The following FARP2 variants were observed in gnomAD, a reference collection of about 807,000 sequenced individuals.
FARP2 encodes the protein FERM, ARH/RhoGEF and pleckstrin domain protein 2, also known as FERM, ARHGEF and pleckstrin domain-containing protein 2.
A neutral mutation model predicts 130.5 loss-of-function variants in FARP2; 111 were observed. The observed-to-expected ratio is 0.85, with a 90% confidence interval of 0.73 to 1.00. The LOEUF (loss-of-function observed/expected upper bound fraction) is 1.00, where lower values mean the gene tolerates loss of function less well. Ranked by LOEUF, FARP2 falls within the 50% of genes least tolerant of loss-of-function variation. The pLI is 0.00. For synonymous variants in FARP2, 504 were observed against 516.9 expected (o/e 0.98, Z 0.34); for missense variants, 1,385 against 1,346.3 (o/e 1.03, Z -0.45).
rs2150456269 is a variant in FARP2, at chr2:241,456,866, C to T, written c.1531C>T (p.Pro511Ser). 6.2e-7 allele frequency: 1 copy of T among 1,613,446 alleles called. No individual in the cohort carries two copies. The highest frequency in any genetic ancestry group is 1.7e-5 in the Admixed American group (1 of 59,894). The change falls in exon 14 of 27, where the codon CCT becomes TCT. Residue 511 changes from proline (P) to serine (S), a missense_variant. Coordinates refer to ENST00000264042, the MANE Select transcript of FARP2 (RefSeq NM_014808.4). Reference sequence around the variant, plus strand: ...ACAGGGCTCATCCCCACTCCTGAGCCCTGTCCTCAGTGATGCTGGCGGAGC... The same window carrying T: ...ACAGGGCTCATCCCCACTCCTGAGCTCTGTCCTCAGTGATGCTGGCGGAGC... The part of the protein sequence containing the change: ...AEQGSSPLLS[P>S]VLSDAGGAGM...
intron 18 of FARP2, among the ~76,000 whole-genome samples, chr2:241,471,156 C>T (rs1036138527): frequency 4.3e-5 from 6 of 140,262 alleles, no homozygotes; most frequent in African/African-American, 8.1e-5. Flanking sequence ...TCTGTTCTGA[C>T]GGGGGTCCTG....
chr2:241,493,624 TC>T (rs2065015354), intron 26 of FARP2, 180 bp downstream of exon 26: 1 of 599,822 alleles, frequency 1.7e-6, no homozygotes, highest in Admixed American at 2.9e-5. Context: ...AGATGGCGTC[TC>T]CCTCTGTCAC....
At chr2:241,405,070 TTGATATC>T (rs2150351481) in intron 4 of FARP2, among the ~76,000 whole-genome samples, 1 of 152,380 alleles carries the variant, frequency 6.6e-6, no homozygotes, top group African/African-American at 2.4e-5. Context: ...CATATGCTGT[TTGATATC>T]GTCTTAATTT....
At chr2:241,472,195 G>A (rs1158760644) in intron 18 of FARP2, among the ~76,000 whole-genome samples, 2 of 150,462 alleles carry the variant, frequency 1.3e-5, no homozygotes, top group Non-Finnish European at 3.0e-5. Flanking sequence ...GGGGGATGCT[G>A]TTCCATGGGA....
At chr2:241,377,933 T>C (rs2150308757) in intron 2 of FARP2, among the ~76,000 whole-genome samples, 1 of 152,282 alleles carries the variant, frequency 6.6e-6, no homozygotes, top group East Asian at 1.9e-4. Flanking sequence ...ACTGCCAGAC[T>C]GTTTTCCAAA....
At position 241,490,035 on chromosome 2, in the gene FARP2, T is replaced by C. The variant is rs1461894855; in HGVS notation, c.2495T>C (p.Val832Ala). Residue 832 changes from valine (V) to alanine (A), a missense_variant, in exon 22 of 27, where the codon GTG (valine) becomes GCG (alanine). Physicochemically the swap from Val to Ala is moderately conservative, Grantham distance 64. Coordinates refer to ENST00000264042, the MANE Select transcript of FARP2 (RefSeq NM_014808.4). ...TACGCGGCTCAGAAAACAATCGTGG[T>C]GGCAGCCAGGTAAGGGTCTTCCATG... ...TIYAAQKTIV[V>A]AASTRLEKEK... 2 of 1,613,284 alleles carry C rather than the reference T, an allele frequency of 1.2e-6. No individual in the cohort carries two copies. Among genetic ancestry groups the C allele is most frequent in the South Asian group, 2.2e-5 (2 of 91,072 alleles).
At chr2:241,376,704 T>C (rs553809108) in intron 2 of FARP2, among the ~76,000 whole-genome samples, 7 of 152,238 alleles carry the variant, frequency 4.6e-5, no homozygotes, top group Non-Finnish European at 8.8e-5. Context: ...TGACTTTACA[T>C]TGGAACCAAG....
At chr2:241,368,609 G>C (rs953530620) in intron 1 of FARP2, among the ~76,000 whole-genome samples, 1 of 151,980 alleles carries the variant, frequency 6.6e-6, no homozygotes, top group African/African-American at 2.4e-5. Flanking sequence ...CACAACAATG[G>C]GGTTACCTGC....
intron 8 of FARP2, among the ~76,000 whole-genome samples, chr2:241,423,778 CA>C (rs777268109): frequency 9.9e-5 from 15 of 151,966 alleles, no homozygotes; most frequent in African/African-American, 1.5e-4. Flanking sequence ...ATTTACCAAG[CA>C]AATGGAAAAC....
rs2064653131 is a variant in FARP2 at position 241,482,926 on chromosome 2, TTAGGAGAACCCTCCTTTCCTCCTCC to T, written c.2263-538_2263-514del. On this transcript the variant is annotated intron_variant, in intron 19 of 26. Coordinates refer to ENST00000264042, the MANE Select transcript of FARP2 (RefSeq NM_014808.4). The surrounding 1 kb of genome is among the most constrained non-coding windows in gnomAD (Gnocchi z 4.6). ...GACGAGGTGGTGCTAATTTGAATAC[TTAGGAGAACCCTCCTTTCCTCCTCC>T]CATTCTCGAACCTGCTCTTGGTGCT... is the stretch of plus-strand genomic sequence containing the variant. Among the ~76,000 whole-genome samples, 5 of 152,206 alleles carry T rather than the reference TTAGGAGAACCCTCCTTTCCTCCTCC, an allele frequency of 3.3e-5. No individual in the cohort carries two copies. The South Asian group carries it at 6.2e-4, about 19-fold the overall frequency.
Position 241,441,324 on chromosome 2 carries a change from A to AT in FARP2, c.1181dup (p.Leu394PhefsTer30), listed in dbSNP as rs1364581467. The AT allele has an allele frequency of 6.2e-7, 1 of 1,605,116 alleles. No homozygotes were observed. Among genetic ancestry groups the AT allele is most frequent in the Non-Finnish European group, 8.5e-7 (1 of 1,173,650 alleles). On this transcript the variant is annotated frameshift_variant, in exon 13 of 27. Transcript: ENST00000264042. LOFTEE classifies it high-confidence loss of function. ...CCCAGAGCATCTCATTCCCCGAGGG[A>AT]TTGAGGACTCCTGCCTCCCCATCTT...
chr2:241,493,223 G>T, intron 25 of FARP2, 70 bp from the exon 26 acceptor site: 1 of 1,534,174 alleles, frequency 6.5e-7, no homozygotes, highest in Admixed American at 1.7e-5. Context: ...CGTTGTGCAG[G>T]TAGCAGAGGA....
intron 2 of FARP2, among the ~76,000 whole-genome samples, chr2:241,402,838 A>ATT (rs2062207668): frequency 1.0e-4 from 1 of 9,834 alleles, no homozygotes; most frequent in African/African-American, 4.1e-4. Flanking sequence ...CAGCTAATTT[A>ATT]TATATATATA....
intron 18 of FARP2, among the ~76,000 whole-genome samples, chr2:241,470,681 G>T (rs2064282835): frequency 2.0e-5 from 3 of 151,510 alleles, no homozygotes; most frequent in African/African-American, 4.9e-5. Flanking sequence ...CTCTCAGGGG[G>T]TCCTGTTCTG....
At chr2:241,422,842 T>A (rs1045973526) in intron 8 of FARP2, among the ~76,000 whole-genome samples, 7 of 151,894 alleles carry the variant, frequency 4.6e-5, no homozygotes, top group Non-Finnish European at 1.0e-4. Flanking sequence ...AATAGCAGAA[T>A]AGGCCAAGCA....
At chr2:241,470,465 G>A (rs953640323) in intron 18 of FARP2, among the ~76,000 whole-genome samples, 6 of 151,572 alleles carry the variant, frequency 4.0e-5, no homozygotes, top group Non-Finnish European at 7.4e-5. Context: ...AATTCTGAGG[G>A]GACCCTGTTC....
chr2:241,466,080 T>C, intron 17 of FARP2: 2 of 1,130,118 alleles, frequency 1.8e-6, no homozygotes, highest in Non-Finnish European at 2.2e-6. Context: ...AGGGATTTGA[T>C]ATTAAAACCC....
Position 241,456,919 on chromosome 2 carries a change from C to T in FARP2, c.1584C>T (p.His528=). ...GAGMDCEEPR[H]KRVPADEAYF... The stretch of plus-strand genomic sequence containing the variant: ...GGATGGACTGCGAGGAGCCCAGACA[C>T]AAGGTGGGCCCCTCGAGGCTGAGAA... The change falls in exon 14 of 27, where the codon CAC becomes CAT. Residue 528 remains histidine, a synonymous_variant. Transcript: ENST00000264042. The T allele has an allele frequency of 1.3e-6, 2 of 1,589,060 alleles. No homozygotes were observed. Among genetic ancestry groups the T allele is most frequent in the Non-Finnish European group, 1.7e-6 (2 of 1,167,066 alleles).
intron 19 of FARP2, among the ~76,000 whole-genome samples, chr2:241,476,916 C>G (rs1476529540): frequency 6.6e-6 from 1 of 152,030 alleles, no homozygotes; most frequent in African/African-American, 2.4e-5. Context: ...TCAGGAGACT[C>G]TGTTCTGAGG....
Sources: gnomAD v4.1 joint callset for allele counts (sites outside exome capture counted in the v4.1 genomes callset) on GRCh38, gnomAD v4.1.1 for gene constraint, Gnocchi (gnomAD v3.1) non-coding constraint, MANE v1.5 for transcripts, NCBI Gene and HGNC (gene_info 2026-07-23, HGNC 2026-07-21) for gene names.